Variants in GJB7 observed in about 807,000 individuals in gnomAD.
GJB7 encodes gap junction protein beta 7.
For missense variants in GJB7, 253 were observed against 256.8 expected, an observed-to-expected ratio of 0.99 and a Z score of 0.10; for synonymous variants, 87 against 95.2, an observed-to-expected ratio of 0.91 and a Z score of 0.50.
At chr6:87,312,124 T>C (rs1582565919) in intron 2 of GJB7, among the ~76,000 whole-genome samples, 1 of 152,096 alleles carries the variant, frequency 6.6e-6, no homozygotes, top group East Asian at 1.9e-4. Context: ...CTGAGTATGT[T>C]CACTTGTGAA....
At chr6:87,291,419 A>T (rs1374245361) in intron 2 of GJB7, among the ~76,000 whole-genome samples, 1 of 152,334 alleles carries the variant, frequency 6.6e-6, no homozygotes, top group Admixed American at 6.5e-5. Context: ...CACCACTTGC[A>T]AGGTTTTTAA....
Position 87,323,286 on chromosome 6 carries a change from GTTATTA to G in GJB7, c.-205-249_-205-244del, listed in dbSNP as rs200940145. On this transcript the variant is annotated intron_variant, in intron 1 of 2. Coordinates refer to ENST00000525899, the MANE Select transcript of GJB7 (RefSeq NM_198568.3). ...TTTTGTTTTGTTTATTTATTTATTT[GTTATTA>G]TTATAAGTTTTAGGGTACATGTGCA... 3.6e-3 allele frequency among the ~76,000 whole-genome samples: 553 copies of G among 151,928 alleles called. 2 individuals carry two copies. Among genetic ancestry groups the G allele is most frequent in the African/African-American group, 0.013 (532 of 41,492 alleles).
chr6:87,328,362 T>G (rs1415092592), intron 1 of GJB7, among the ~76,000 whole-genome samples: 1 of 152,174 alleles, frequency 6.6e-6, no homozygotes, highest in Non-Finnish European at 1.5e-5. Context: ...TCTGCTCTGT[T>G]TTTTCCCCAT....
intron 2 of GJB7, among the ~76,000 whole-genome samples, chr6:87,308,081 A>G (rs555112520): frequency 6.6e-5 from 10 of 152,340 alleles, no homozygotes; most frequent in African/African-American, 2.4e-4. Flanking sequence ...TTGTAGGGAC[A>G]TGGATGAAGC....
intron 2 of GJB7, among the ~76,000 whole-genome samples, chr6:87,321,502 G>A (rs76662369): frequency 0.037 from 5,659 of 152,156 alleles, 356 homozygotes; most frequent in African/African-American, 0.13. Flanking sequence ...CCTCCAACGG[G>A]AGGAAGGTAT....
intron 2 of GJB7, among the ~76,000 whole-genome samples, chr6:87,306,623 C>T (rs541801016): frequency 0.019 from 2,843 of 152,064 alleles, 90 homozygotes; most frequent in African/African-American, 0.065. Flanking sequence ...GTGGCGATTC[C>T]TCAGGGATCT....
chr6:87,324,536 C>A (rs1157544442), intron 1 of GJB7, among the ~76,000 whole-genome samples: 2 of 150,782 alleles, frequency 1.3e-5, no homozygotes, highest in East Asian at 1.9e-4. Context: ...AATCCTTTCC[C>A]CATTGCTTGT....
chr6:87,317,579 G>A (rs560784135), intron 2 of GJB7, among the ~76,000 whole-genome samples: 58 of 152,122 alleles, frequency 3.8e-4, no homozygotes, highest in African/African-American at 7.7e-4. Context: ...ACGGGCACGC[G>A]CCACCATGCC....
At chr6:87,325,556 G>A (rs12211685) in intron 1 of GJB7, among the ~76,000 whole-genome samples, 57,799 of 147,454 alleles carry the variant, frequency 0.39, 12,165 homozygotes, top group Non-Finnish European at 0.48. Flanking sequence ...CTGTTTATAT[G>A]CTGGATTACA....
intron 2 of GJB7, among the ~76,000 whole-genome samples, chr6:87,293,143 T>C (rs534877686): frequency 6.6e-6 from 1 of 152,254 alleles, no homozygotes; most frequent in Non-Finnish European, 1.5e-5. Context: ...GCAATTCTCC[T>C]GACTCAGCTT....
chr6:87,320,805 G>C (rs534559259), intron 2 of GJB7, among the ~76,000 whole-genome samples: 8 of 152,158 alleles, frequency 5.3e-5, no homozygotes, highest in Admixed American at 1.3e-4. Flanking sequence ...TAAGGTAAGC[G>C]GGGGTGTTGT....
chr6:87,287,593 T>C (rs1332141621), intron 2 of GJB7, among the ~76,000 whole-genome samples: 2 of 152,180 alleles, frequency 1.3e-5, no homozygotes, highest in Non-Finnish European at 2.9e-5. Flanking sequence ...TTCTTAAGCC[T>C]ACCGGAAAGG....
rs142594074 is a variant in GJB7 at position 87,284,268 on chromosome 6, T to A, written c.645A>T (p.Leu215Phe). Residue 215 changes from leucine to phenylalanine, a missense_variant, in exon 3 of 3, where the codon TTA (leucine) becomes TTT (phenylalanine). By Grantham distance (22) the Leu-to-Phe change is conservative (BLOSUM62 0). Coordinates refer to ENST00000525899, the MANE Select transcript of GJB7 (RefSeq NM_198568.3). The stretch of plus-strand genomic sequence containing the variant: ...ACACACTGAGGACTTGAGGTTTTTT[T>A]AAATATTTTTGGAGACAGCACTTAA... ...CFIKCCLQKY[L>F]KKPQVLSV The A allele has an allele frequency of 1.1e-4, 177 of 1,613,640 alleles. No individual in the cohort carries two copies. Among genetic ancestry groups the A allele is most frequent in the African/African-American group, 6.0e-4 (45 of 74,910 alleles).
intron 2 of GJB7, among the ~76,000 whole-genome samples, chr6:87,305,414 T>C (rs1393109520): frequency 1.3e-5 from 2 of 152,036 alleles, no homozygotes; most frequent in Non-Finnish European, 2.9e-5. Flanking sequence ...CATGAGTGAA[T>C]TCCCATTCAC....
At chr6:87,322,272 C>T (rs1776678746) in intron 2 of GJB7, 1 of 152,192 alleles carries the variant, frequency 6.6e-6, no homozygotes, top group Non-Finnish European at 1.5e-5. Context: ...ATGCTTTCCA[C>T]TTTCATGAAA....
chr6:87,308,845 TA>T (rs1279991456), intron 2 of GJB7, among the ~76,000 whole-genome samples: 5 of 151,764 alleles, frequency 3.3e-5, no homozygotes, highest in South Asian at 4.2e-4. Context: ...AACAAAATAA[TA>T]AAAATAAAGG....
chr6:87,285,762 C>T (rs1776050109), intron 2 of GJB7, among the ~76,000 whole-genome samples: 1 of 152,134 alleles, frequency 6.6e-6, no homozygotes, highest in Non-Finnish European at 1.5e-5. Flanking sequence ...ATCTTCATAG[C>T]TTATCTTGTT....
chr6:87,325,436 G>A (rs1487343386), intron 1 of GJB7, among the ~76,000 whole-genome samples: 28 of 147,772 alleles, frequency 1.9e-4, no homozygotes, highest in African/African-American at 7.0e-4. Flanking sequence ...TTTGAGATAC[G>A]TCCCATCAAT....
At chr6:87,294,433 G>T (rs1776221234) in intron 2 of GJB7, among the ~76,000 whole-genome samples, 1 of 152,230 alleles carries the variant, frequency 6.6e-6, no homozygotes, top group Admixed American at 6.5e-5. Flanking sequence ...GTTGAATGCA[G>T]ATGCCCTATG....
Sources: gnomAD v4.1 joint callset for allele counts (sites outside exome capture counted in the v4.1 genomes callset) on GRCh38, gnomAD v4.1.1 for gene constraint, MANE v1.5 for transcripts, NCBI Gene and HGNC (gene_info 2026-07-23, HGNC 2026-07-21) for gene names.